CCSER1: variants seen among roughly 807,000 people sequenced by gnomAD.
CCSER1 encodes serine-rich coiled-coil domain-containing protein 1.
A neutral mutation model predicts 82.0 loss-of-function variants in CCSER1; 41 were observed. The observed-to-expected ratio is 0.50, with a 90% CI of 0.39 to 0.65. The LOEUF is 0.65. Ranked by LOEUF, CCSER1 falls within the 30% of genes least tolerant of loss-of-function variation. The probability of loss-of-function intolerance (pLI) is 0.00; values close to 1 mark genes in which losing one functional copy is unlikely to be tolerated. For synonymous variants in CCSER1, 414 were observed against 383.9 expected, an observed-to-expected ratio of 1.08 and a Z score of -0.92; for missense variants, 1,119 against 1,064.2, an observed-to-expected ratio of 1.05 and a Z score of -0.72.
intron 10 of CCSER1, among the ~76,000 whole-genome samples, chr4:91,134,888 C>T (rs142065900): frequency 0.036 from 5,524 of 151,976 alleles, 304 homozygotes; most frequent in African/African-American, 0.12. Context: ...GGTGAAACCC[C>T]ATCTCTACTA....
At chr4:90,648,331 A>AAGAAAGAAAGAAAGAG (rs1560879804) in intron 6 of CCSER1, among the ~76,000 whole-genome samples, 7 of 150,400 alleles carry the variant, frequency 4.7e-5, no homozygotes, top group Non-Finnish European at 7.4e-5. Context: ...GAAAGAAAGA[A>AAGAAAGAAAGAAAGAG]AGAAAGAAAG....
At chr4:90,227,009 A>G (rs1184951913) in intron 1 of CCSER1, among the ~76,000 whole-genome samples, 2 of 152,184 alleles carry the variant, frequency 1.3e-5, no homozygotes, top group Non-Finnish European at 2.9e-5. Context: ...ATTGTTCTCC[A>G]TGTCCAATTC....
chr4:90,581,417 C>G (rs1431671750), intron 5 of CCSER1, among the ~76,000 whole-genome samples: 2 of 152,108 alleles, frequency 1.3e-5, no homozygotes, highest in Non-Finnish European at 2.9e-5. Flanking sequence ...GAAATGATCA[C>G]TGTGAGACGG....
intron 10 of CCSER1, among the ~76,000 whole-genome samples, chr4:91,247,210 G>A (rs1739863562): frequency 6.6e-6 from 1 of 151,686 alleles, no homozygotes; most frequent in Non-Finnish European, 1.5e-5. Context: ...GCTGAGGCAG[G>A]AGAATGGCAT....
In CCSER1 at chr4:90,168,569, G is replaced by A. The variant is rs966807757; in HGVS notation, c.-42+40738G>A. ...CTTGCCCATGCCTATGTCCTGAATG[G>A]TACTGCCTAGGTTTTCTTCTAGGGT... On this transcript the variant is annotated intron_variant, in intron 1 of 10. Transcript: ENST00000509176. Among the ~76,000 whole-genome samples, 5 of 152,084 alleles carry A rather than the reference G, an allele frequency of 3.3e-5. No homozygotes were observed. The South Asian group carries it at 8.3e-4, about 25-fold the overall frequency.
chr4:90,342,771 C>T (rs538199528), intron 3 of CCSER1, among the ~76,000 whole-genome samples: 2 of 152,226 alleles, frequency 1.3e-5, no homozygotes, highest in African/African-American at 2.4e-5. Context: ...TTAAGGATGT[C>T]CATAGTTTCC....
chr4:91,255,767 A>G (rs955716741), intron 10 of CCSER1, among the ~76,000 whole-genome samples: 5 of 152,166 alleles, frequency 3.3e-5, no homozygotes, highest in African/African-American at 9.7e-5. Context: ...ATGGACATTT[A>G]TCACTTCCCC....
chr4:90,479,080 T>G (rs1320376406), intron 5 of CCSER1, among the ~76,000 whole-genome samples: 2 of 152,162 alleles, frequency 1.3e-5, no homozygotes, highest in Admixed American at 6.6e-5. Flanking sequence ...ATTTAGAATC[T>G]GACACACTGT....
At chr4:91,175,557 A>T (rs1733245058) in intron 10 of CCSER1, among the ~76,000 whole-genome samples, 1 of 151,978 alleles carries the variant, frequency 6.6e-6, no homozygotes, top group African/African-American at 2.4e-5. Context: ...TTTGATTTGC[A>T]TTTCTCTGAT....
At chr4:91,591,437 G>C (rs1578872916) in intron 10 of CCSER1, among the ~76,000 whole-genome samples, 1 of 151,836 alleles carries the variant, frequency 6.6e-6, no homozygotes, top group South Asian at 2.1e-4. Context: ...AGTGTATTCT[G>C]TCATTTGTTT....
intron 1 of CCSER1, among the ~76,000 whole-genome samples, chr4:90,293,432 A>G (rs1579002924): frequency 6.6e-6 from 1 of 151,658 alleles, no homozygotes; most frequent in South Asian, 2.1e-4. Flanking sequence ...TTAATTTGTT[A>G]ATATACTTTA....
At chr4:90,726,174 G>A (rs1050220225) in intron 7 of CCSER1, among the ~76,000 whole-genome samples, 1 of 151,960 alleles carries the variant, frequency 6.6e-6, no homozygotes, top group Non-Finnish European at 1.5e-5. Flanking sequence ...AGTTTTGGAA[G>A]CACTCAGAAC....
At chr4:90,156,807 T>TG (rs1156434118) in intron 1 of CCSER1, among the ~76,000 whole-genome samples, 1 of 152,232 alleles carries the variant, frequency 6.6e-6, no homozygotes, top group African/African-American at 2.4e-5. Flanking sequence ...AGCACACTGA[T>TG]GGGTCTTGAC....
At chr4:90,604,986 G>C (rs540072795) in intron 5 of CCSER1, among the ~76,000 whole-genome samples, 1 of 146,382 alleles carries the variant, frequency 6.8e-6, no homozygotes, top group Admixed American at 6.7e-5. Context: ...GCCAGCAGCG[G>C]CAACTGAGTG....
chr4:91,492,276 G>A (rs545051800), intron 10 of CCSER1, among the ~76,000 whole-genome samples: 12 of 152,110 alleles, frequency 7.9e-5, no homozygotes, highest in South Asian at 2.1e-4. Context: ...TAGAATGGCT[G>A]GAAGCATAAT....
At chr4:90,416,103 G>T (rs2153558335) in intron 4 of CCSER1, among the ~76,000 whole-genome samples, 1 of 152,244 alleles carries the variant, frequency 6.6e-6, no homozygotes, top group African/African-American at 2.4e-5. Flanking sequence ...CAGCATGAAT[G>T]GTGAGGGATG....
At chr4:91,014,480 C>T (rs6836911) in intron 9 of CCSER1, among the ~76,000 whole-genome samples, 22,820 of 133,296 alleles carry the variant, frequency 0.17, 5,382 homozygotes, top group South Asian at 0.28. Context: ...CTGCTACATT[C>T]TTTAAATATT....
At chr4:90,880,987 CGA>C (rs1721221761) in intron 8 of CCSER1, among the ~76,000 whole-genome samples, 1 of 151,336 alleles carries the variant, frequency 6.6e-6, no homozygotes, top group Non-Finnish European at 1.5e-5. Flanking sequence ...TGCCCCTCTC[CGA>C]GAGAGCCACG....
intron 8 of CCSER1, among the ~76,000 whole-genome samples, chr4:90,916,492 A>T (rs1727445255): frequency 6.6e-6 from 1 of 152,136 alleles, no homozygotes; most frequent in African/African-American, 2.4e-5. Flanking sequence ...TCCCTTCCTT[A>T]CACCTTATAC....
Sources: gnomAD v4.1 joint callset for allele counts (sites outside exome capture counted in the v4.1 genomes callset) on GRCh38, gnomAD v4.1.1 for gene constraint, MANE v1.5 for transcripts, NCBI Gene and HGNC (gene_info 2026-07-23, HGNC 2026-07-21) for gene names.